The following NAA35 variants were observed in gnomAD, a reference collection of about 807,000 sequenced individuals.
The protein encoded by NAA35 is N-alpha-acetyltransferase 35, NatC auxiliary subunit, also known as MAK10 homolog, amino-acid N-acetyltransferase subunit.
Under a neutral mutation model 101.7 loss-of-function variants are expected in NAA35, and 18 were observed. The ratio of observed to expected loss-of-function variants is 0.18; its 90% CI spans 0.12 to 0.26. The LOEUF is 0.26. Ranked by LOEUF, NAA35 falls within the 10% of genes least tolerant of loss-of-function variation. The pLI, the probability that NAA35 is intolerant of heterozygous loss-of-function variation, is 1.00. For synonymous variants in NAA35, 267 were observed against 273.1 expected (o/e 0.98, Z 0.22); for missense variants, 601 against 886.8 (o/e 0.68, Z 4.09).
intron 5 of NAA35, among the ~76,000 whole-genome samples, chr9:85,961,262 G>C (rs1329942155): frequency 6.6e-6 from 1 of 152,136 alleles, no homozygotes; most frequent in African/African-American, 2.4e-5. Flanking sequence ...CTCTACTGCA[G>C]AATTCTTGGG....
chr9:86,006,632 G>T (rs561470766), intron 13 of NAA35, among the ~76,000 whole-genome samples: 2 of 152,162 alleles, frequency 1.3e-5, no homozygotes, highest in Non-Finnish European at 2.9e-5. Context: ...CTTGCCAGGG[G>T]TTTGGGGCGG....
At chr9:85,997,329 G>A (rs1477766367) in intron 12 of NAA35, among the ~76,000 whole-genome samples, 7 of 151,146 alleles carry the variant, frequency 4.6e-5, no homozygotes, top group Admixed American at 1.3e-4. Context: ...AGAGACACAT[G>A]CCACTAGACT....
At chr9:86,010,559 T>TA (rs917013845) in intron 15 of NAA35, among the ~76,000 whole-genome samples, 2 of 149,738 alleles carry the variant, frequency 1.3e-5, no homozygotes, top group Non-Finnish European at 3.0e-5. Flanking sequence ...CTTTTTTTTT[T>TA]AACCTTAGAA....
chr9:85,945,901 G>A (rs932373224), intron 2 of NAA35, among the ~76,000 whole-genome samples: 1 of 152,150 alleles, frequency 6.6e-6, no homozygotes, highest in Non-Finnish European at 1.5e-5. Context: ...TGTACTAAAA[G>A]TAGTGGCTCT....
chr9:85,980,948 G>A (rs1037274782), intron 11 of NAA35, among the ~76,000 whole-genome samples: 3 of 151,994 alleles, frequency 2.0e-5, no homozygotes, highest in African/African-American at 7.2e-5. Context: ...TTTACTGATC[G>A]ACACCTCATT....
At chr9:86,021,264 T>C (rs1015683756) in intron 22 of NAA35, among the ~76,000 whole-genome samples, 1 of 152,100 alleles carries the variant, frequency 6.6e-6, no homozygotes, top group Non-Finnish European at 1.5e-5. Flanking sequence ...ATGGGAGAAG[T>C]ATGAGGTATT....
At chr9:85,984,166 A>G (rs570458866) in intron 11 of NAA35, among the ~76,000 whole-genome samples, 1 of 152,144 alleles carries the variant, frequency 6.6e-6, no homozygotes, top group Non-Finnish European at 1.5e-5. Flanking sequence ...CATCTCTACA[A>G]AAAATTTAAA....
chr9:86,007,091 G>T (rs893930342), intron 13 of NAA35, among the ~76,000 whole-genome samples: 1 of 152,134 alleles, frequency 6.6e-6, no homozygotes, highest in African/African-American at 2.4e-5. Context: ...GACATAATCA[G>T]ATTAGTCAGT....
At chr9:86,017,052 G>A (rs1032046737) in intron 18 of NAA35, among the ~76,000 whole-genome samples, 5 of 152,240 alleles carry the variant, frequency 3.3e-5, no homozygotes, top group Admixed American at 2.6e-4. Context: ...GTTACAGAGC[G>A]CCTTGAGGCA....
intron 16 of NAA35, among the ~76,000 whole-genome samples, 199 bp from the exon 17 acceptor site, chr9:86,013,520 A>G (rs1322024010): frequency 6.6e-6 from 1 of 152,212 alleles, no homozygotes; most frequent in Non-Finnish European, 1.5e-5. Context: ...GGTTTAAGGC[A>G]TGTTTAGGTA....
At chr9:85,956,290 G>A (rs1829271008) in intron 2 of NAA35, 70 bp from the exon 3 acceptor site, 1 of 930,500 alleles carries the variant, frequency 1.1e-6, no homozygotes, top group Non-Finnish European at 1.6e-6. Context: ...AGGTGCTAAT[G>A]TCTTTTTTTT....
intron 2 of NAA35, among the ~76,000 whole-genome samples, chr9:85,954,190 C>T (rs1420488440): frequency 2.0e-5 from 3 of 152,060 alleles, no homozygotes; most frequent in Non-Finnish European, 4.4e-5. Context: ...AAGCAATCCT[C>T]CCACCTCAGC....
intron 15 of NAA35, 32 bp downstream of exon 15, chr9:86,009,963 G>A (rs1240067005): frequency 6.4e-7 from 1 of 1,570,938 alleles, no homozygotes; most frequent in Non-Finnish European, 8.8e-7. Flanking sequence ...GTCATAATGG[G>A]TACTTTAAAA....
chr9:85,978,173 T>C (rs1402240794), intron 10 of NAA35, 94 bp from the exon 11 acceptor site: 5 of 771,096 alleles, frequency 6.5e-6, no homozygotes, highest in Admixed American at 6.1e-5. Context: ...ACAGCAAGCA[T>C]TTAATTTCAT....
At position 85,958,316 on chromosome 9, in the gene NAA35, G is replaced by A. The variant is rs551020268; in HGVS notation, c.159-156G>A. Among the ~76,000 whole-genome samples, 31 of 152,258 alleles carry A rather than the reference G, an allele frequency of 2.0e-4. No individual in the cohort carries two copies. The South Asian group carries it at 5.4e-3, about 26-fold the overall frequency. On this transcript the variant is annotated intron_variant, in intron 3 of 22. Transcript: ENST00000361671. ...ACATGAAATAATTTCTGTGTCAGTCGACAGTTAATTGAAATAGAAGTGTTA... is the reference window on the plus strand; with the variant it reads ...ACATGAAATAATTTCTGTGTCAGTCAACAGTTAATTGAAATAGAAGTGTTA...
At chr9:86,018,901 TG>T in intron 21 of NAA35, 80 bp downstream of exon 21, 1 of 1,539,082 alleles carries the variant, frequency 6.5e-7, no homozygotes, top group Non-Finnish European at 8.8e-7. Context: ...AAGTTAATTA[TG>T]AAAGTGAACT....
chr9:85,955,429 C>G, intron 2 of NAA35, among the ~76,000 whole-genome samples: 1 of 132,062 alleles, frequency 7.6e-6, no homozygotes, highest in African/African-American at 2.8e-5. Flanking sequence ...GTGGCGTGAT[C>G]TTGGCTCACT....
intron 11 of NAA35, among the ~76,000 whole-genome samples, chr9:85,984,758 A>T (rs987591539): frequency 2.0e-5 from 3 of 152,234 alleles, no homozygotes; most frequent in Non-Finnish European, 4.4e-5. Context: ...GTGTCAAGAC[A>T]ATTCAATGAG....
At chr9:86,003,730 A>G (rs1831513416) in intron 13 of NAA35, 86 bp downstream of exon 13, 1 of 771,464 alleles carries the variant, frequency 1.3e-6, no homozygotes, top group Non-Finnish European at 2.0e-6. Context: ...CAAAAGGTAG[A>G]TGCTTTTAAA....
Sources: allele counts gnomAD v4.1 joint callset (sites outside exome capture counted in the v4.1 genomes callset), GRCh38; gene constraint gnomAD v4.1.1; transcripts MANE v1.5; gene names NCBI Gene and HGNC (gene_info 2026-07-23, HGNC 2026-07-21).